Variants in TUB observed in about 807,000 individuals in gnomAD.
TUB encodes the protein tubby protein homolog.
In TUB, 33 loss-of-function variants were observed where a neutral mutation model predicts 59.7. That is an observed-to-expected ratio of 0.55 (90% CI 0.42 to 0.74). The LOEUF is 0.74. Among genes scored for constraint, TUB ranks in the 30% least tolerant of loss-of-function variants. The pLI is 0.00. For synonymous variants in TUB, 293 were observed against 256.4 expected (o/e 1.14, Z -1.36); for missense variants, 659 against 672.0 (o/e 0.98, Z 0.21).
At position 8,105,203 on chromosome 11, in the gene TUB, AC is replaced by A. The variant is rs1564933786; in HGVS notation, c.*3588del. On this transcript the variant is annotated 3_prime_UTR_variant, in exon 12 of 12. Coordinates refer to ENST00000299506, the MANE Select transcript of TUB (RefSeq NM_177972.3). ...CTGGCCTTCCCTTCTCTAATTCCTT[AC>A]CCCAGCTGCGGCATCCCTGTGTTAA... is the stretch of plus-strand genomic sequence containing the variant. 6.6e-6 allele frequency: 1 copy of A among 151,892 alleles called. No individual in the cohort carries two copies. Among genetic ancestry groups the A allele is most frequent in the African/African-American group, 2.4e-5 (1 of 41,276 alleles). The allele number at this position is 151,892 out of a possible 1,614,324, so 9.4% of individuals were successfully genotyped here.
chr11:8,106,149 G>GT lies in TUB; in HGVS notation c.*4531dup, dbSNP rs1456230771. 5 of 152,126 alleles carry GT rather than the reference G, an allele frequency of 3.3e-5. No individual in the cohort carries two copies. The highest frequency in any genetic ancestry group is 2.6e-4 in the Admixed American group (4 of 15,280). The allele number at this position is 152,126 out of a possible 1,614,324, so 9.4% of individuals were successfully genotyped here. A position where few individuals can be genotyped will look rare whatever the true frequency, so the allele number is the denominator to read the frequency against. On this transcript the variant is annotated 3_prime_UTR_variant, in exon 12 of 12. Coordinates refer to ENST00000299506, the MANE Select transcript of TUB (RefSeq NM_177972.3). Reference sequence around the variant, plus strand: ...ATTGGTATGTGCAATGACAAACTTGGTATTTTCCCATGTTGACATTATGTA... The same window carrying GT: ...ATTGGTATGTGCAATGACAAACTTGGTTATTTTCCCATGTTGACATTATGTA...
At chr11:8,069,408 G>C (rs376283239) in intron 2 of TUB, 14 of 148,354 alleles carry the variant, frequency 9.4e-5, no homozygotes, top group African/African-American at 2.2e-4. Context: ...TCGGGGGGGG[G>C]GGGTAATTAA....
intron 2 of TUB, among the ~76,000 whole-genome samples, chr11:8,052,711 G>A (rs775350747): frequency 1.2e-4 from 19 of 152,130 alleles, no homozygotes; most frequent in Non-Finnish European, 2.2e-4. Flanking sequence ...TCCTGACCTC[G>A]TGATCCGGCC....
intron 2 of TUB, among the ~76,000 whole-genome samples, chr11:8,055,421 G>T (rs923902823): frequency 6.6e-6 from 1 of 152,244 alleles, no homozygotes; most frequent in Non-Finnish European, 1.5e-5. Context: ...GCCTGAGGCT[G>T]CTCTTAGAGT....
chr11:8,049,104 C>T (rs1402277485), intron 2 of TUB, among the ~76,000 whole-genome samples: 1 of 152,228 alleles, frequency 6.6e-6, no homozygotes, highest in Non-Finnish European at 1.5e-5. Context: ...TTGCCATCCT[C>T]TCTCTTCTGT....
intron 2 of TUB, among the ~76,000 whole-genome samples, chr11:8,067,210 C>T (rs7932687): frequency 2.6e-5 from 4 of 151,994 alleles, no homozygotes; most frequent in Admixed American, 1.3e-4. Context: ...AAAAATACTG[C>T]GCATATGAGA....
intron 2 of TUB, among the ~76,000 whole-genome samples, chr11:8,050,339 G>A (rs1942913836): frequency 6.6e-6 from 1 of 152,198 alleles, no homozygotes; most frequent in Non-Finnish European, 1.5e-5. Flanking sequence ...TTTCCATGAG[G>A]TGCGTACCTA....
chr11:8,055,867 G>A (rs1477315942), intron 2 of TUB, among the ~76,000 whole-genome samples: 1 of 152,212 alleles, frequency 6.6e-6, no homozygotes, highest in Non-Finnish European at 1.5e-5. Context: ...CTTCCCACTA[G>A]CCCCTTCGCT....
intron 2 of TUB, among the ~76,000 whole-genome samples, chr11:8,048,822 T>C (rs1942880290): frequency 6.6e-6 from 1 of 152,232 alleles, no homozygotes; most frequent in Non-Finnish European, 1.5e-5. Flanking sequence ...TGTAATGTTA[T>C]GTAATTATAT....
chr11:8,019,957 G>A (rs970947395), intron 1 of TUB, among the ~76,000 whole-genome samples: 4 of 152,212 alleles, frequency 2.6e-5, no homozygotes, highest in Non-Finnish European at 5.9e-5. Flanking sequence ...GCCCCGCGGG[G>A]ATGGCGAGCG....
chr11:8,075,246 C>G (rs61879641), intron 2 of TUB, among the ~76,000 whole-genome samples: 13,068 of 152,234 alleles, frequency 0.086, 812 homozygotes, highest in Middle Eastern at 0.21. Flanking sequence ...TTTCCTTTGA[C>G]TAGTTTTCTA....
chr11:8,101,569 G>A lies in TUB; in HGVS notation c.1471G>A (p.Ala491Thr), dbSNP rs775383075. ...CAACTACCCGCTGTGTGCACTGCAG[G>A]CCTTTGCCATTGCCCTGTCCAGCTT... ...DYNYPLCALQ[A>T]FAIALSSFDS... Residue 491 changes from alanine to threonine, a missense_variant, in exon 12 of 12, where the codon GCC (alanine) becomes ACC (threonine). Ala to Thr is a moderately conservative substitution (Grantham distance 58). This residue lies in a region of TUB where 226 missense variants were observed against 210.8 expected (regional missense o/e 1.07). Transcript: ENST00000299506. 1.7e-5 allele frequency: 27 copies of A among 1,614,120 alleles called. No homozygotes were observed. The highest frequency in any genetic ancestry group is 2.2e-5 in the Non-Finnish European group (26 of 1,180,032).
intron 2 of TUB, chr11:8,075,752 C>T (rs1943438396): frequency 1.3e-5 from 2 of 152,014 alleles, no homozygotes; most frequent in Non-Finnish European, 2.9e-5. Context: ...AGAGTTACAC[C>T]ATCTCTTTCC....
chr11:8,090,019 C>G, intron 2 of TUB, 50 bp from the exon 3 acceptor site: 1 of 1,521,132 alleles, frequency 6.6e-7, no homozygotes, highest in Non-Finnish European at 8.8e-7. Context: ...ACTGGGAGCC[C>G]GCCCTTCCTG....
intron 1 of TUB, among the ~76,000 whole-genome samples, chr11:8,024,713 C>T (rs1210960308): frequency 6.6e-6 from 1 of 152,172 alleles, no homozygotes. Context: ...AAACAAACTT[C>T]TGAAGAAGGA....
chr11:8,072,837 A>C lies in TUB; in HGVS notation c.204-16773A>C, dbSNP rs536895203. Among the ~76,000 whole-genome samples the C allele has an allele frequency of 7.2e-5, 11 of 152,312 alleles. No homozygotes were observed. The East Asian group carries it at 2.1e-3, about 29-fold the overall frequency. The stretch of plus-strand genomic sequence containing the variant: ...TTTTCACAGCTGTGTTTCTTACATA[A>C]AATACAAGAATGCTAACACAAAAAA... On this transcript the variant is annotated intron_variant, in intron 2 of 12. Coordinates refer to the TUB transcript ENST00000305253.
intron 2 of TUB, 125 bp downstream of exon 2, chr11:8,089,786 A>T: frequency 7.5e-7 from 1 of 1,330,082 alleles, no homozygotes; most frequent in Non-Finnish European, 1.1e-6. Context: ...TCCCATGTGG[A>T]AGAAGAGAGG....
chr11:8,039,430 A>ACTGCCTGC (rs56870342), intron 1 of TUB: 102,766 of 440,540 alleles, frequency 0.23, 14,193 homozygotes, highest in East Asian at 0.47. Context: ...CCTCATCTGG[A>ACTGCCTGC]CTGCCTGCCT....
chr11:8,079,546 GATAA>G (rs1172883354), upstream of TUB, among the ~76,000 whole-genome samples: 2 of 152,190 alleles, frequency 1.3e-5, no homozygotes. Context: ...CTTGGAGGTT[GATAA>G]ATAATCAGAG....
Sources: allele counts gnomAD v4.1 joint callset (sites outside exome capture counted in the v4.1 genomes callset), GRCh38; gene constraint gnomAD v4.1.1; regional missense constraint gnomAD v4.1.1; transcripts MANE v1.5; gene names NCBI Gene and HGNC (gene_info 2026-07-23, HGNC 2026-07-21).